NR3C2: variants seen among roughly 807,000 people sequenced by gnomAD.
The protein encoded by NR3C2 is nuclear receptor subfamily 3 group C member 2, also known as mineralocorticoid receptor.
Under a neutral mutation model 86.4 loss-of-function variants are expected in NR3C2, and 15 were observed. That is an observed-to-expected ratio of 0.17 (90% CI 0.12 to 0.27). The LOEUF (loss-of-function observed/expected upper bound fraction) is 0.27. NR3C2 is among the 10% of genes least tolerant of loss of function. The pLI is 1.00. For synonymous variants in NR3C2, 458 were observed against 450.5 expected (o/e 1.02, Z -0.21); for missense variants, 960 against 1,195.6 (o/e 0.80, Z 2.91).
chr4:148,239,475 T>C (rs1399500121), intron 3 of NR3C2, among the ~76,000 whole-genome samples: 1 of 152,178 alleles, frequency 6.6e-6, no homozygotes, highest in Non-Finnish European at 1.5e-5. Context: ...CCTCTGCCTC[T>C]GGTTGAAGGC....
chr4:148,086,451 A>G (rs1730814717), intron 8 of NR3C2, among the ~76,000 whole-genome samples: 1 of 152,214 alleles, frequency 6.6e-6, no homozygotes, highest in South Asian at 2.1e-4. Flanking sequence ...AAAACTCCCA[A>G]TAGCTGGGCG....
chr4:148,444,845 G>T, upstream of NR3C2: 2 of 985,000 alleles, frequency 2.0e-6, no homozygotes, highest in South Asian at 9.4e-5. Flanking sequence ...CGTTGACAGC[G>T]GCGTCCCTGG....
At position 148,081,209 on chromosome 4, in the gene NR3C2, A is replaced by G. The variant is rs539726708; in HGVS notation, c.*135T>C. On this transcript the variant is annotated 3_prime_UTR_variant, in exon 9 of 9. Transcript: ENST00000358102. The stretch of plus-strand genomic sequence containing the variant: ...GCTTTCCCGGCTCCAAACCTCTGAC[A>G]TGACTTTAAACTTGAGAAACTGTTG... 7.8e-6 allele frequency: 10 copies of G among 1,281,312 alleles called. No homozygotes were observed. Among genetic ancestry groups the G allele is most frequent in the East Asian group, 2.5e-5 (1 of 40,114 alleles). The allele number at this position is 1,281,312 out of a possible 1,614,324, so 79.4% of individuals were successfully genotyped here.
At chr4:148,328,219 T>C (rs1484403041) in intron 2 of NR3C2, among the ~76,000 whole-genome samples, 1 of 152,102 alleles carries the variant, frequency 6.6e-6, no homozygotes, top group East Asian at 1.9e-4. Flanking sequence ...TAAACCCACA[T>C]AGTACAGTGG....
At chr4:148,310,544 G>A (rs1006332840) in intron 2 of NR3C2, among the ~76,000 whole-genome samples, 1 of 152,138 alleles carries the variant, frequency 6.6e-6, no homozygotes. Context: ...CTACCAGCCA[G>A]CATAATTGCT....
chr4:148,435,305 C>T lies in NR3C2; in HGVS notation c.1556G>A (p.Gly519Asp), dbSNP rs781108317. ...PSSAIVGVNS[G>D]GQSFHYRIGA... ...AATCCTGTAGTGGAAGGACTGTCCA[C>T]CTGAATTCACCCCAACAATAGCAGA... The change falls in exon 2 of 9, where the codon GGT becomes GAT. Residue 519 changes from glycine to aspartate, a missense_variant. Gly to Asp is a moderately conservative substitution (Grantham distance 94). Transcript: ENST00000358102. The T allele has an allele frequency of 1.2e-6, 2 of 1,614,150 alleles. No homozygotes were observed. Among genetic ancestry groups the T allele is most frequent in the East Asian group, 2.2e-5 (1 of 44,868 alleles).
chr4:148,097,178 C>T (rs1268645629), intron 8 of NR3C2, among the ~76,000 whole-genome samples: 7 of 152,146 alleles, frequency 4.6e-5, no homozygotes, highest in East Asian at 1.9e-4. Context: ...TAACCGAAGA[C>T]GTCATGCAAC....
At chr4:148,216,045 C>G (rs992577078) in intron 3 of NR3C2, among the ~76,000 whole-genome samples, 1 of 151,976 alleles carries the variant, frequency 6.6e-6, no homozygotes, top group Non-Finnish European at 1.5e-5. Flanking sequence ...GCCTTGGCCT[C>G]CCAAAGTGTG....
chr4:148,138,987 G>T lies in NR3C2; in HGVS notation c.2510+13482C>A, dbSNP rs553575363. Among the ~76,000 whole-genome samples the T allele has an allele frequency of 1.2e-3, 181 of 152,176 alleles. 1 individual carries two copies. Among genetic ancestry groups the T allele is most frequent in the African/African-American group, 4.1e-3 (170 of 41,508 alleles). ...TCTGCCTTCTACCATGAGATGATGC[G>T]GCAGGAAGGTTCCCGCCAGATGTGG... On this transcript the variant is annotated intron_variant, in intron 6 of 8. Coordinates refer to ENST00000358102, the MANE Select transcript of NR3C2 (RefSeq NM_000901.5).
At chr4:148,256,366 A>T (rs1229964456) in intron 3 of NR3C2, among the ~76,000 whole-genome samples, 3 of 152,352 alleles carry the variant, frequency 2.0e-5, no homozygotes, top group East Asian at 1.9e-4. Flanking sequence ...TATCATTTAC[A>T]TCATCTCTCT....
At chr4:148,238,114 C>A (rs1044282317) in intron 3 of NR3C2, among the ~76,000 whole-genome samples, 3 of 152,102 alleles carry the variant, frequency 2.0e-5, no homozygotes, top group Non-Finnish European at 2.9e-5. Context: ...ACTCTATTTG[C>A]AAAAGTATCT....
chr4:148,435,046 C>T (rs1468167554), intron 2 of NR3C2, 58 bp downstream of exon 2: 2 of 1,501,560 alleles, frequency 1.3e-6, no homozygotes, highest in African/African-American at 2.8e-5. Flanking sequence ...AAAGATAATG[C>T]TAACCTTCAA....
chr4:148,293,147 T>G (rs1330495194), intron 2 of NR3C2, among the ~76,000 whole-genome samples: 1 of 152,170 alleles, frequency 6.6e-6, no homozygotes, highest in Non-Finnish European at 1.5e-5. Flanking sequence ...AAGGAAAGTT[T>G]TATGCTCCTT....
rs72645604 is a variant in NR3C2 at position 148,423,566 on chromosome 4, A to G, written c.1757+11538T>C. ...AATCAAACACATAATTGGCGGGGGG[A>G]AAAAAGCTGTATACACTCATGTGAG... On this transcript the variant is annotated intron_variant, in intron 2 of 8. Coordinates refer to ENST00000358102, the MANE Select transcript of NR3C2 (RefSeq NM_000901.5). 1.0e-3 allele frequency among the ~76,000 whole-genome samples: 157 copies of G among 152,224 alleles called. 1 individual carries two copies. The highest frequency in any genetic ancestry group is 3.4e-3 in the African/African-American group (143 of 41,526).
At chr4:148,259,247 T>TAC (rs1265849376) in intron 3 of NR3C2, among the ~76,000 whole-genome samples, 1 of 152,230 alleles carries the variant, frequency 6.6e-6, no homozygotes, top group African/African-American at 2.4e-5. Flanking sequence ...GCAAAAATTC[T>TAC]ACACTTTCAC....
intron 2 of NR3C2, among the ~76,000 whole-genome samples, chr4:148,351,898 T>C (rs1745298846): frequency 6.6e-6 from 1 of 152,188 alleles, no homozygotes; most frequent in South Asian, 2.1e-4. Flanking sequence ...CATTCTGTTC[T>C]TAAGCCTTGG....
intron 2 of NR3C2, among the ~76,000 whole-genome samples, chr4:148,351,376 C>G (rs775436561): frequency 2.6e-5 from 4 of 152,212 alleles, no homozygotes; most frequent in Non-Finnish European, 5.9e-5. Flanking sequence ...CTTCTGAGCT[C>G]AGGCAATCCA....
At chr4:148,439,918 A>G (rs938813683) in intron 1 of NR3C2, among the ~76,000 whole-genome samples, 1 of 152,198 alleles carries the variant, frequency 6.6e-6, no homozygotes, top group Non-Finnish European at 1.5e-5. Flanking sequence ...ACCAGCTAAC[A>G]TCATACAGCT....
At chr4:148,139,866 G>T (rs1488575646) in intron 6 of NR3C2, among the ~76,000 whole-genome samples, 1 of 152,098 alleles carries the variant, frequency 6.6e-6, no homozygotes, top group African/African-American at 2.4e-5. Context: ...AATAAGCTTG[G>T]GGTTCATGGG....
Sources: allele counts gnomAD v4.1 joint callset (sites outside exome capture counted in the v4.1 genomes callset), GRCh38; gene constraint gnomAD v4.1.1; transcripts MANE v1.5; gene names NCBI Gene and HGNC (gene_info 2026-07-23, HGNC 2026-07-21).